FAM228B: variants seen among roughly 807,000 people sequenced by gnomAD.
The protein encoded by FAM228B is family with sequence similarity 228 member B.
FAM228B carries 38 observed loss-of-function variants against 42.6 expected under a neutral mutation model. The observed-to-expected ratio is 0.89, with a 90% CI of 0.69 to 1.17. FAM228B has a LOEUF of 1.17. Ranked by LOEUF, FAM228B falls within the 50% of genes most tolerant of loss-of-function variation. The pLI is 0.00. For synonymous variants in FAM228B, 109 were observed against 122.3 expected (o/e 0.89, Z 0.72); for missense variants, 344 against 367.3 (o/e 0.94, Z 0.52).
At chr2:24,132,270 G>C (rs977680116) in intron 2 of FAM228B, among the ~76,000 whole-genome samples, 1 of 152,116 alleles carries the variant, frequency 6.6e-6, no homozygotes, top group African/African-American at 2.4e-5. Context: ...TACTTCAACA[G>C]GGATATTGGC....
chr2:24,159,623 CAGATA>C (rs145577030), intron 7 of FAM228B, among the ~76,000 whole-genome samples: 74 of 152,312 alleles, frequency 4.9e-4, no homozygotes, highest in African/African-American at 1.8e-3. Context: ...AGTTCTGTAG[CAGATA>C]TAGGTATGGG....
At chr2:24,102,999 C>T (rs934422063) in intron 3 of FAM228B, among the ~76,000 whole-genome samples, 5 of 152,198 alleles carry the variant, frequency 3.3e-5, no homozygotes, top group Non-Finnish European at 5.9e-5. Flanking sequence ...ATGCAGCCCT[C>T]CTTTCCTGGA....
intron 3 of FAM228B, among the ~76,000 whole-genome samples, chr2:24,099,144 G>C (rs933102692): frequency 2.8e-5 from 4 of 143,654 alleles, no homozygotes; most frequent in African/African-American, 1.0e-4. Context: ...AAAATAATAA[G>C]AGCTATTTAT....
In FAM228B at chr2:24,084,980, C is replaced by T. The variant is rs1665194926; in HGVS notation, c.-210+4025C>T. Reference sequence around the variant, plus strand: ...AATCAGATTTTCTTGTCCTTTTAGCCTCTGGAAAAGAGTCTTTCTCTCAGC... The same window carrying T: ...AATCAGATTTTCTTGTCCTTTTAGCTTCTGGAAAAGAGTCTTTCTCTCAGC... On this transcript the variant is annotated intron_variant, in intron 2 of 10. Coordinates refer to the FAM228B transcript ENST00000613899. This position sits in a 1 kb window ranked among gnomAD's most constrained non-coding sequence, Gnocchi z 8.4. 1 of 152,234 alleles carries T rather than the reference C, an allele frequency of 6.6e-6. No individual in the cohort carries two copies. Among genetic ancestry groups the T allele is most frequent in the Non-Finnish European group, 1.5e-5 (1 of 68,062 alleles). The allele number at this position is 152,234 out of a possible 1,614,324, so 9.4% of individuals were successfully genotyped here.
chr2:24,155,242 A>G (rs992541739), intron 7 of FAM228B, among the ~76,000 whole-genome samples: 7 of 152,076 alleles, frequency 4.6e-5, no homozygotes, highest in Non-Finnish European at 8.8e-5. Flanking sequence ...ATTAATGGGC[A>G]TACAGTGAGT....
rs761642116 is a variant in FAM228B at position 24,080,792 on chromosome 2, T to C, written c.-289-84T>C. The C allele has an allele frequency of 1.9e-5, 31 of 1,613,508 alleles. No homozygotes were observed. The highest frequency in any genetic ancestry group is 2.5e-5 in the Non-Finnish European group (30 of 1,179,676). On this transcript the variant is annotated intron_variant, in intron 1 of 10. Coordinates refer to the FAM228B transcript ENST00000613899. The surrounding 1 kb of genome is among the most constrained non-coding windows in gnomAD (Gnocchi z 4.7). ...TTTATTTAATCATCTCTTAAATTCC[T>C]GCTGAACTGTAGAAGCAGTTGTTTA... is the stretch of plus-strand genomic sequence containing the variant.
chr2:24,093,356 G>A (rs983828343), intron 2 of FAM228B, among the ~76,000 whole-genome samples: 4 of 150,494 alleles, frequency 2.7e-5, no homozygotes, highest in Admixed American at 1.3e-4. Context: ...GTGTGTCCAC[G>A]TGTTCTCATT....
chr2:24,114,044 A>C (rs2151000981), intron 3 of FAM228B, among the ~76,000 whole-genome samples: 1 of 152,360 alleles, frequency 6.6e-6, no homozygotes, highest in Non-Finnish European at 1.5e-5. Flanking sequence ...GTTGGAAGTA[A>C]GTTCTGTGTA....
chr2:24,133,773 A>C (rs950623204), intron 2 of FAM228B, among the ~76,000 whole-genome samples: 1 of 152,182 alleles, frequency 6.6e-6, no homozygotes, highest in Non-Finnish European at 1.5e-5. Flanking sequence ...ACTGGGCATG[A>C]TGGTGGCTCA....
intron 7 of FAM228B, among the ~76,000 whole-genome samples, chr2:24,157,254 A>G (rs1421434948): frequency 6.6e-6 from 1 of 152,112 alleles, no homozygotes; most frequent in Non-Finnish European, 1.5e-5. Context: ...TATATGGTCT[A>G]TCTTGGAGAA....
At chr2:24,121,173 T>A, upstream of FAM228B, 1 of 1,614,060 alleles carries the variant, frequency 6.2e-7, no homozygotes, top group Non-Finnish European at 8.5e-7. Context: ...ATTTTTGGCA[T>A]AAAGAGAATA....
At chr2:24,168,406 A>G (rs1365906761) in intron 10 of FAM228B, among the ~76,000 whole-genome samples, 1 of 152,216 alleles carries the variant, frequency 6.6e-6, no homozygotes, top group Non-Finnish European at 1.5e-5. Context: ...GCAGAGGCCC[A>G]GTAGAGAAAG....
intron 3 of FAM228B, among the ~76,000 whole-genome samples, chr2:24,112,652 A>G (rs1167231552): frequency 3.9e-5 from 6 of 152,236 alleles, no homozygotes; most frequent in Non-Finnish European, 5.9e-5. Flanking sequence ...TTCCCAAGTT[A>G]TAAAAGTGAG....
chr2:24,163,658 T>C (rs1667332718), intron 8 of FAM228B, among the ~76,000 whole-genome samples: 1 of 152,196 alleles, frequency 6.6e-6, no homozygotes, highest in South Asian at 2.1e-4. Context: ...CTTAATTCTA[T>C]TTAATTTTGA....
Position 24,137,895 on chromosome 2 carries a change from C to A in FAM228B, c.169-14C>A. 4 of 1,494,306 alleles carry A rather than the reference C, an allele frequency of 2.7e-6. No individual in the cohort carries two copies. The highest frequency in any genetic ancestry group is 2.7e-5 in the South Asian group (2 of 75,410). The allele number at this position is 1,494,306 out of a possible 1,614,324, so 92.6% of individuals were successfully genotyped here. A position where few individuals can be genotyped will look rare whatever the true frequency, so the allele number is the denominator to read the frequency against. On this transcript the variant is annotated splice_polypyrimidine_tract_variant and intron_variant, in intron 3 of 10. Transcript: ENST00000615575. Reference sequence around the variant, plus strand: ...TAGGATAATATATTTGTCTTTTCTACCACTGTTTACTAGGAACTAGATAAG... The same window carrying A: ...TAGGATAATATATTTGTCTTTTCTAACACTGTTTACTAGGAACTAGATAAG...
intron 2 of FAM228B, among the ~76,000 whole-genome samples, chr2:24,082,426 C>T (rs893212278): frequency 2.0e-5 from 3 of 152,208 alleles, no homozygotes; most frequent in Non-Finnish European, 2.9e-5. Context: ...ACAGGGCTAT[C>T]CTTCTAAACT....
At chr2:24,096,220 C>T (rs1292718287) in intron 3 of FAM228B, 1 of 152,214 alleles carries the variant, frequency 6.6e-6, no homozygotes, top group East Asian at 1.9e-4. Flanking sequence ...CAGAGTGCCT[C>T]TTCTCCTCCA....
intron 2 of FAM228B, among the ~76,000 whole-genome samples, chr2:24,131,249 A>G (rs549055907): frequency 6.6e-6 from 1 of 152,304 alleles, no homozygotes; most frequent in South Asian, 2.1e-4. Context: ...TATAGTTTAA[A>G]GTTAGGTAGC....
chr2:24,139,992 T>C (rs1403660360), intron 5 of FAM228B, among the ~76,000 whole-genome samples: 7 of 152,350 alleles, frequency 4.6e-5, no homozygotes, highest in African/African-American at 1.7e-4. Flanking sequence ...TTGCATGATA[T>C]TCTGTTACTA....
Sources: allele counts gnomAD v4.1 joint callset (sites outside exome capture counted in the v4.1 genomes callset), GRCh38; gene constraint gnomAD v4.1.1; non-coding constraint Gnocchi (gnomAD v3.1); transcripts MANE v1.5; gene names NCBI Gene and HGNC (gene_info 2026-07-23, HGNC 2026-07-21).